Variants in STARD10 observed in about 807,000 individuals in gnomAD.
STARD10 encodes START domain-containing protein 10.
A neutral mutation model predicts 36.0 loss-of-function variants in STARD10; 24 were observed. That is an observed-to-expected ratio of 0.67 (90% CI 0.48 to 0.94). The LOEUF (loss-of-function observed/expected upper bound fraction) is 0.94, where lower values mean the gene tolerates loss of function less well. Ranked by LOEUF, STARD10 falls within the 40% of genes least tolerant of loss-of-function variation. The probability of loss-of-function intolerance (pLI) is 0.00; values close to 1 mark genes in which losing one functional copy is unlikely to be tolerated. For synonymous variants in STARD10, 156 were observed against 161.9 expected (o/e 0.96, Z 0.28); for missense variants, 335 against 396.6 (o/e 0.84, Z 1.32).
At chr11:72,763,145 G>T (rs1858743083) in intron 2 of STARD10, among the ~76,000 whole-genome samples, 1 of 152,118 alleles carries the variant, frequency 6.6e-6, no homozygotes, top group Non-Finnish European at 1.5e-5. Flanking sequence ...CCAGTCCCAG[G>T]CAAGCTAGGA....
chr11:72,767,649 C>T (rs568291939), intron 2 of STARD10, among the ~76,000 whole-genome samples: 24 of 152,330 alleles, frequency 1.6e-4, no homozygotes, highest in African/African-American at 3.6e-4. Flanking sequence ...CCAAACAAAG[C>T]TCCTGACCCA....
In STARD10 at chr11:72,781,797, G is replaced by A. The variant is rs1302982224; in HGVS notation, c.-113-503C>T. 1 of 148,122 alleles carries A rather than the reference G, an allele frequency of 6.8e-6. No homozygotes were observed. The highest frequency in any genetic ancestry group is 1.5e-5 in the Non-Finnish European group (1 of 66,824). 9.2% of individuals were successfully genotyped at this position (148,122 alleles called of 1,614,324 possible). The stretch of plus-strand genomic sequence containing the variant: ...GGGTCCCGCCGCCCGGCCCCGCCCC[G>A]GGCCCCAGCCCCGCGCGCCCCTCCC... On this transcript the variant is annotated intron_variant, in intron 1 of 6. Transcript: ENST00000334805. This position sits in a 1 kb window ranked among gnomAD's most constrained non-coding sequence, Gnocchi z 4.7.
At chr11:72,758,683 C>T (rs1408223053) in intron 3 of STARD10, 50 bp from the exon 4 acceptor site, 1 of 1,410,954 alleles carries the variant, frequency 7.1e-7, no homozygotes, top group South Asian at 1.2e-5. Context: ...CACCTGCCTA[C>T]AAGGGAGGGT....
chr11:72,779,882 G>A (rs903298514), intron 2 of STARD10, among the ~76,000 whole-genome samples: 47 of 152,162 alleles, frequency 3.1e-4, no homozygotes, highest in Non-Finnish European at 8.8e-5. Flanking sequence ...AGGCAGAAGG[G>A]CTCAGGGTCA....
chr11:72,781,034 C>A lies in STARD10; in HGVS notation c.148G>T (p.Ala50Ser). ...EVGWNLTYSRAGVSVWVQAVE... is the reference protein window; with the variant it reads ...EVGWNLTYSRSGVSVWVQAVE... ...GCCTGCACCCAGACAGACACCCCAGCCCTGCTATAGGTCAGGTTCCAGCCC... is the reference window on the plus strand; with the variant it reads ...GCCTGCACCCAGACAGACACCCCAGACCTGCTATAGGTCAGGTTCCAGCCC... The change falls in exon 2 of 7, where the codon GCT becomes TCT. Residue 50 changes from alanine (A) to serine (S), a missense_variant. Physicochemically the swap from Ala to Ser is moderately conservative, Grantham distance 99 (BLOSUM62 1). Coordinates refer to ENST00000334805, the MANE Select transcript of STARD10 (RefSeq NM_006645.3). The surrounding 1 kb of genome is among the most constrained non-coding windows in gnomAD (Gnocchi z 4.7). 1.2e-6 allele frequency: 2 copies of A among 1,614,202 alleles called. No homozygotes were observed. Among genetic ancestry groups the A allele is most frequent in the Non-Finnish European group, 1.7e-6 (2 of 1,180,030 alleles).
rs151230736 is a variant in STARD10 at position 72,766,590 on chromosome 11, A to G, written c.208-7209T>C. Among the ~76,000 whole-genome samples, 312 of 152,242 alleles carry G rather than the reference A, an allele frequency of 2.0e-3. 1 individual carries two copies. The highest frequency in any genetic ancestry group is 7.0e-3 in the African/African-American group (289 of 41,550). On this transcript the variant is annotated intron_variant, in intron 2 of 6. Coordinates refer to ENST00000334805, the MANE Select transcript of STARD10 (RefSeq NM_006645.3). ...AGTACAGTGCAGGGTCCAGTGCCCA[A>G]GCTGTATCTCACTCTACCCCCCACC... is the stretch of plus-strand genomic sequence containing the variant.
At chr11:72,773,136 C>T (rs571295457) in intron 2 of STARD10, among the ~76,000 whole-genome samples, 12 of 152,160 alleles carry the variant, frequency 7.9e-5, no homozygotes, top group Admixed American at 2.6e-4. Context: ...ATATTAAGGA[C>T]AGAGTAACCT....
At chr11:72,790,728 C>T (rs1440660261) in intron 1 of STARD10, among the ~76,000 whole-genome samples, 1 of 152,262 alleles carries the variant, frequency 6.6e-6, no homozygotes, top group Non-Finnish European at 1.5e-5. Flanking sequence ...AAACCATCTT[C>T]ACTCTTGGCC....
At chr11:72,783,596 A>T (rs780080298) in intron 1 of STARD10, 3 of 153,154 alleles carry the variant, frequency 2.0e-5, no homozygotes, top group Non-Finnish European at 2.9e-5. Context: ...ATAAAACCCA[A>T]AGGGGACCCC....
Position 72,781,126 on chromosome 11 carries a change from C to CG in STARD10, c.55dup (p.Arg19ProfsTer2). 6.2e-7 allele frequency: 1 copy of CG among 1,613,676 alleles called. No homozygotes were observed. The highest frequency in any genetic ancestry group is 1.1e-5 in the South Asian group (1 of 91,088). Reference sequence around the variant, plus strand: ...GTCATCGGGCACCTGGACACTCTCACGGCCCAGGACCGGCCGAGGCCCTTG... The same window carrying CG: ...GTCATCGGGCACCTGGACACTCTCACGGGCCCAGGACCGGCCGAGGCCCTTG... On this transcript the variant is annotated frameshift_variant, in exon 2 of 7. Transcript: ENST00000334805. LOFTEE classifies it high-confidence loss of function. This position sits in a 1 kb window ranked among gnomAD's most constrained non-coding sequence, Gnocchi z 4.7.
chr11:72,777,741 C>T (rs1341104147), intron 2 of STARD10, among the ~76,000 whole-genome samples: 1 of 152,268 alleles, frequency 6.6e-6, no homozygotes, highest in Non-Finnish European at 1.5e-5. Flanking sequence ...CTGGCTCCAA[C>T]TACTGGGCCT....
chr11:72,759,660 G>A (rs1205976986), intron 2 of STARD10, among the ~76,000 whole-genome samples: 1 of 152,082 alleles, frequency 6.6e-6, no homozygotes, highest in African/African-American at 2.4e-5. Context: ...GACCTTCTGG[G>A]CTCCCACACA....
At chr11:72,761,917 C>CTTTTCTTTT (rs1555023007) in intron 2 of STARD10, among the ~76,000 whole-genome samples, 12 of 37,478 alleles carry the variant, frequency 3.2e-4, no homozygotes, top group African/African-American at 9.8e-4. Context: ...CTTTTCTTTT[C>CTTTTCTTTT]TTTTTTTTTT....
intron 3 of STARD10, 24 bp downstream of exon 3, chr11:72,759,210 G>A (rs370482708): frequency 3.8e-5 from 61 of 1,612,792 alleles, no homozygotes; most frequent in Non-Finnish European, 4.8e-5. Context: ...AGGGGACTGG[G>A]ATCAGCGTGC....
intron 5 of STARD10, 190 bp from the exon 6 acceptor site, chr11:72,755,943 G>C: frequency 1.8e-6 from 1 of 542,470 alleles, no homozygotes; most frequent in South Asian, 2.3e-5. Context: ...CTCAGGCTTA[G>C]CTCTGTCCCC....
intron 4 of STARD10, 52 bp downstream of exon 4, chr11:72,758,478 C>G: frequency 6.8e-7 from 1 of 1,476,136 alleles, no homozygotes; most frequent in South Asian, 1.1e-5. Flanking sequence ...CTCAGCCTTG[C>G]GCTGCCTGAC....
intron 2 of STARD10, among the ~76,000 whole-genome samples, chr11:72,773,800 T>C (rs2135620524): frequency 6.6e-6 from 1 of 152,310 alleles, no homozygotes; most frequent in South Asian, 2.1e-4. Context: ...TCTGGTGTCT[T>C]ATTTAGTTGT....
rs1480727101 is a variant in STARD10, at chr11:72,766,984, C to A, written c.208-7603G>T. On this transcript the variant is annotated intron_variant, in intron 2 of 6. Transcript: ENST00000334805. ...TCACTCAGAACCCTTCAGGTGACCA[C>A]TGGGGAAACCTGGCTTCAGTTGGGC... Among the ~76,000 whole-genome samples the A allele has an allele frequency of 3.9e-5, 6 of 152,352 alleles. No homozygotes were observed. The East Asian group carries it at 1.2e-3, about 29-fold the overall frequency.
intron 3 of STARD10, 97 bp downstream of exon 3, chr11:72,759,137 T>C (rs1015779560): frequency 8.6e-5 from 126 of 1,470,724 alleles, no homozygotes; most frequent in Non-Finnish European, 1.1e-4. Flanking sequence ...AGCTTGGTCA[T>C]GTGAGTAACC....
Sources: gnomAD v4.1 joint callset for allele counts (sites outside exome capture counted in the v4.1 genomes callset) on GRCh38, gnomAD v4.1.1 for gene constraint, Gnocchi (gnomAD v3.1) non-coding constraint, MANE v1.5 for transcripts, NCBI Gene and HGNC (gene_info 2026-07-23, HGNC 2026-07-21) for gene names.